PDSS2: variants seen among roughly 807,000 people sequenced by gnomAD.
PDSS2 encodes the protein decaprenyl diphosphate synthase subunit 2.
Under a neutral mutation model 44.5 loss-of-function variants are expected in PDSS2, and 31 were observed. That is an observed-to-expected ratio of 0.70 (90% CI 0.52 to 0.94). The LOEUF (loss-of-function observed/expected upper bound fraction) is 0.94, where lower values mean the gene tolerates loss of function less well. Ranked by LOEUF, PDSS2 falls within the 40% of genes least tolerant of loss-of-function variation. The pLI is 0.00. For missense variants in PDSS2, 452 were observed against 482.2 expected (o/e 0.94, Z 0.59); for synonymous variants, 157 against 180.3 (o/e 0.87, Z 1.03).
At chr6:107,165,154 A>T (rs1417564604) in intron 7 of PDSS2, among the ~76,000 whole-genome samples, 2 of 152,010 alleles carry the variant, frequency 1.3e-5, no homozygotes, top group Non-Finnish European at 2.9e-5. Context: ...GCTGTGCAGA[A>T]GCTCTTTAGT....
At chr6:107,394,365 A>G (rs931501151) in intron 1 of PDSS2, among the ~76,000 whole-genome samples, 1 of 152,160 alleles carries the variant, frequency 6.6e-6, no homozygotes. Context: ...GCTTCTGGAG[A>G]AGGCTCTGGA....
Position 107,459,551 on chromosome 6 carries a change from C to T in PDSS2, c.-266G>A. 1 of 515,084 alleles carries T rather than the reference C, an allele frequency of 1.9e-6. No homozygotes were observed. The highest frequency in any genetic ancestry group is 3.5e-6 in the Non-Finnish European group (1 of 287,932). 31.9% of individuals were successfully genotyped at this position (515,084 alleles called of 1,614,324 possible). The stretch of plus-strand genomic sequence containing the variant: ...CAGCCACTGCCTATGTGGAGGACGC[C>T]ATATTGGAGGCATGGAATGCGGCCT... On this transcript the variant is annotated 5_prime_UTR_variant, in exon 1 of 8. An upstream start codon of the reference 5' UTR is lost. Transcript: ENST00000369037. The surrounding 1 kb of genome is among the most constrained non-coding windows in gnomAD (Gnocchi z 4.3).
intron 2 of PDSS2, among the ~76,000 whole-genome samples, chr6:107,317,273 A>G (rs1777230488): frequency 6.6e-6 from 1 of 152,294 alleles, no homozygotes; most frequent in Middle Eastern, 3.4e-3. Flanking sequence ...TAAATGGTTT[A>G]GGTATTATTA....
chr6:107,313,631 G>A (rs945882285), intron 2 of PDSS2, among the ~76,000 whole-genome samples: 1 of 152,144 alleles, frequency 6.6e-6, no homozygotes, highest in Admixed American at 6.6e-5. Context: ...AGAGATTACA[G>A]GCATGAGCCA....
intron 1 of PDSS2, among the ~76,000 whole-genome samples, chr6:107,354,146 G>C (rs1257327208): frequency 6.6e-6 from 1 of 151,986 alleles, no homozygotes; most frequent in African/African-American, 2.4e-5. Context: ...TGAAGATCTT[G>C]AACAGTGAAG....
chr6:107,205,118 G>A (rs938445088), intron 6 of PDSS2, among the ~76,000 whole-genome samples: 4 of 152,208 alleles, frequency 2.6e-5, no homozygotes, highest in Admixed American at 1.3e-4. Context: ...GAATAGGCAT[G>A]TGTTATTTTC....
chr6:107,368,249 C>T (rs1402173946), intron 1 of PDSS2, among the ~76,000 whole-genome samples: 1 of 136,948 alleles, frequency 7.3e-6, no homozygotes, highest in African/African-American at 2.8e-5. Context: ...AGCCTGGTGA[C>T]AGAGCGAGAC....
intron 1 of PDSS2, among the ~76,000 whole-genome samples, chr6:107,405,029 A>C (rs1214825960): frequency 6.6e-6 from 1 of 152,130 alleles, no homozygotes; most frequent in Non-Finnish European, 1.5e-5. Context: ...TAAAATCAGC[A>C]AGAGAAAGTA....
intron 2 of PDSS2, among the ~76,000 whole-genome samples, chr6:107,320,665 G>A (rs532811422): frequency 1.7e-4 from 26 of 152,276 alleles, no homozygotes; most frequent in African/African-American, 6.3e-4. Flanking sequence ...ATAATGGCCT[G>A]CAAACATAAA....
In PDSS2 at chr6:107,159,488, C is replaced by T. The variant is rs868957528; in HGVS notation, c.1042-4711G>A. Among the ~76,000 whole-genome samples, 6 of 148,898 alleles carry T rather than the reference C, an allele frequency of 4.0e-5. No individual in the cohort carries two copies. In the South Asian group the frequency reaches 1.3e-3, roughly 32 times the overall value. On this transcript the variant is annotated intron_variant, in intron 7 of 7. Transcript: ENST00000369037. ...CTGGAATGCAGTGGCGCGATCTTGG[C>T]TCACTGCTACCTCCGCCTCCCGGGT...
intron 4 of PDSS2, among the ~76,000 whole-genome samples, chr6:107,214,247 G>A (rs1254888332): frequency 6.6e-6 from 1 of 151,950 alleles, no homozygotes; most frequent in Non-Finnish European, 1.5e-5. Context: ...TGGACTACAG[G>A]CGCCCGCCAC....
chr6:107,183,317 A>G (rs1562358503), intron 7 of PDSS2, among the ~76,000 whole-genome samples: 1 of 152,146 alleles, frequency 6.6e-6, no homozygotes, highest in Non-Finnish European at 1.5e-5. Flanking sequence ...ATTATATTAC[A>G]AGTCCCTTAT....
intron 1 of PDSS2, among the ~76,000 whole-genome samples, chr6:107,436,779 T>C (rs1392261756): frequency 6.6e-6 from 1 of 152,170 alleles, no homozygotes; most frequent in Non-Finnish European, 1.5e-5. Context: ...ACATGCTAAT[T>C]ACCCTGATCT....
At chr6:107,292,063 C>T (rs929892990) in intron 2 of PDSS2, among the ~76,000 whole-genome samples, 2 of 151,814 alleles carry the variant, frequency 1.3e-5, no homozygotes, top group Non-Finnish European at 2.9e-5. Context: ...TTATAGTATA[C>T]AGAAAAGAAG....
At chr6:107,275,516 C>T (rs139684407) in intron 2 of PDSS2, among the ~76,000 whole-genome samples, 26 of 152,088 alleles carry the variant, frequency 1.7e-4, no homozygotes, top group Non-Finnish European at 3.4e-4. Context: ...AAACAGTACA[C>T]AAGGAAAGCC....
chr6:107,319,115 G>A (rs1582936434), intron 2 of PDSS2, among the ~76,000 whole-genome samples: 1 of 152,154 alleles, frequency 6.6e-6, no homozygotes, highest in Middle Eastern at 3.4e-3. Flanking sequence ...AACTGGTCAA[G>A]TACTACAGAG....
At chr6:107,362,838 T>C (rs1778822675) in intron 1 of PDSS2, among the ~76,000 whole-genome samples, 1 of 152,162 alleles carries the variant, frequency 6.6e-6, no homozygotes, top group Admixed American at 6.5e-5. Flanking sequence ...AAAATATTTT[T>C]AAAGAAATCA....
intron 7 of PDSS2, among the ~76,000 whole-genome samples, chr6:107,176,037 A>ATTTT (rs1771774023): frequency 6.6e-6 from 1 of 151,668 alleles, no homozygotes; most frequent in Non-Finnish European, 1.5e-5. Flanking sequence ...CACTGCTTTT[A>ATTTT]TTTATTTATT....
chr6:107,445,629 T>C (rs1027397913), intron 1 of PDSS2, among the ~76,000 whole-genome samples: 4 of 152,238 alleles, frequency 2.6e-5, no homozygotes, highest in Non-Finnish European at 5.9e-5. Flanking sequence ...TTTCAGATTT[T>C]AAATTGTGGA....
Sources: allele counts gnomAD v4.1 joint callset (sites outside exome capture counted in the v4.1 genomes callset), GRCh38; gene constraint gnomAD v4.1.1; non-coding constraint Gnocchi (gnomAD v3.1); transcripts MANE v1.5; gene names NCBI Gene and HGNC (gene_info 2026-07-23, HGNC 2026-07-21).